CCDC141: variants seen among roughly 807,000 people sequenced by gnomAD.
CCDC141 encodes the protein coiled-coil domain containing 141.
In CCDC141, 168 loss-of-function variants were observed where a neutral mutation model predicts 181.0. The observed-to-expected ratio is 0.93, with a 90% confidence interval of 0.82 to 1.05. The LOEUF (loss-of-function observed/expected upper bound fraction) is 1.05, where lower values mean the gene tolerates loss of function less well. Ranked by LOEUF, CCDC141 falls within the 50% of genes least tolerant of loss-of-function variation. The probability of loss-of-function intolerance (pLI) is 0.00; values close to 1 mark genes in which losing one functional copy is unlikely to be tolerated. For missense variants in CCDC141, 1,902 were observed against 1,788.5 expected (o/e 1.06, Z -1.14); for synonymous variants, 666 against 642.3 (o/e 1.04, Z -0.56).
chr2:178,854,161 A>G (rs1415427781), intron 19 of CCDC141, among the ~76,000 whole-genome samples: 1 of 152,268 alleles, frequency 6.6e-6, no homozygotes, highest in Non-Finnish European at 1.5e-5. Flanking sequence ...AACAAATAGC[A>G]TTTCACCTTT....
chr2:178,933,568 C>T (rs951684456), intron 6 of CCDC141, among the ~76,000 whole-genome samples: 7 of 152,158 alleles, frequency 4.6e-5, no homozygotes, highest in Admixed American at 3.3e-4. Flanking sequence ...ACCTCCATCT[C>T]GAAAGAGATC....
chr2:178,834,471 G>A, intron 23 of CCDC141, 31 bp from the exon 24 acceptor site: 1 of 1,532,096 alleles, frequency 6.5e-7, no homozygotes, highest in Non-Finnish European at 8.7e-7. Flanking sequence ...TTAAAGTCAG[G>A]ATTGCTGTTT....
rs769350043 is a variant in CCDC141, at chr2:178,837,740, T to A, written c.3479A>T (p.Gln1160Leu). 2 of 1,589,498 alleles carry A rather than the reference T, an allele frequency of 1.3e-6. No individual in the cohort carries two copies. The highest frequency in any genetic ancestry group is 1.7e-6 in the Non-Finnish European group (2 of 1,171,380). ...GCCCAAAAGATCTGCCACCTGCACC[T>A]GCCCCTTGAAAAAAGAAAAGCCAAA... Reference protein sequence around the residue: ...TIFNEERNKGQVQVADLLGIN... With the variant: ...TIFNEERNKGLVQVADLLGIN... Residue 1160 changes from glutamine (Q) to leucine (L), a missense_variant, in exon 23 of 24, where the codon CAG becomes CTG. Physicochemically the swap from Gln to Leu is moderately radical, Grantham distance 113. Coordinates refer to ENST00000443758, the MANE Select transcript of CCDC141 (RefSeq NM_173648.4).
chr2:178,993,977 G>A (rs1321505218), intron 2 of CCDC141, among the ~76,000 whole-genome samples: 1 of 152,128 alleles, frequency 6.6e-6, no homozygotes, highest in Non-Finnish European at 1.5e-5. Flanking sequence ...CATGGACTTA[G>A]GCAGATCTGC....
Position 178,871,409 on chromosome 2 carries a change from A to G in CCDC141, c.2205+18T>C. On this transcript the variant is annotated intron_variant, in intron 14 of 23. Transcript: ENST00000443758. ...GTATTTTTTCCATTCACCCAAATCCAGCAATATATTTCTTCACCTGGAACT... is the reference window on the plus strand; with the variant it reads ...GTATTTTTTCCATTCACCCAAATCCGGCAATATATTTCTTCACCTGGAACT... The G allele has an allele frequency of 1.2e-6, 2 of 1,607,922 alleles. No individual in the cohort carries two copies. Among genetic ancestry groups the G allele is most frequent in the African/African-American group, 2.7e-5 (2 of 74,710 alleles).
chr2:179,015,379 A>ATGTATCATATC (rs1553502968), intron 2 of CCDC141, among the ~76,000 whole-genome samples: 3 of 128,014 alleles, frequency 2.3e-5, no homozygotes, highest in Non-Finnish European at 4.7e-5. Flanking sequence ...TATCATATAT[A>ATGTATCATATC]TCTCATATAT....
At chr2:179,002,482 T>A (rs2042013181) in intron 2 of CCDC141, 2 of 411,158 alleles carry the variant, frequency 4.9e-6, no homozygotes, top group Admixed American at 5.4e-5. Context: ...ATCCACAAAC[T>A]TTTCAATCTC....
intron 2 of CCDC141, among the ~76,000 whole-genome samples, chr2:179,015,066 A>T (rs2042387383): frequency 2.2e-4 from 2 of 9,216 alleles, no homozygotes; most frequent in Non-Finnish European, 2.4e-4. Flanking sequence ...AGAGAGACAG[A>T]GATATATATA....
At chr2:178,863,364 A>G (rs950890694) in intron 17 of CCDC141, among the ~76,000 whole-genome samples, 1 of 152,260 alleles carries the variant, frequency 6.6e-6, no homozygotes, top group Non-Finnish European at 1.5e-5. Flanking sequence ...AACTTTAAAC[A>G]TAAATGCTAT....
intron 5 of CCDC141, among the ~76,000 whole-genome samples, chr2:178,959,183 A>G (rs1487758142): frequency 1.3e-5 from 2 of 152,006 alleles, no homozygotes; most frequent in Non-Finnish European, 2.9e-5. Flanking sequence ...TAGGAGATAT[A>G]CCTAATGTAA....
intron 2 of CCDC141, among the ~76,000 whole-genome samples, chr2:179,016,103 T>C (rs1435331020): frequency 6.6e-6 from 1 of 150,378 alleles, no homozygotes. Context: ...GAATGGAAAA[T>C]CAAAAGTTGT....
At chr2:178,871,406 T>C (rs1360599792) in intron 14 of CCDC141, 21 bp downstream of exon 14, 2 of 1,605,842 alleles carry the variant, frequency 1.2e-6, no homozygotes, top group Non-Finnish European at 1.7e-6. Flanking sequence ...TTCACCCAAA[T>C]CCAGCAATAT....
intron 7 of CCDC141, among the ~76,000 whole-genome samples, chr2:178,906,501 G>C (rs546157186): frequency 1.1e-4 from 16 of 152,316 alleles, no homozygotes; most frequent in South Asian, 8.3e-4. Context: ...TGGCATGGGA[G>C]GTCTTGCCAC....
Position 178,872,248 on chromosome 2 carries a change from T to G in CCDC141, c.1964A>C (p.Asn655Thr). The change falls in exon 13 of 24, where the codon AAC (asparagine) becomes ACC (threonine). Residue 655 changes from asparagine to threonine, a missense_variant. Physicochemically the swap from Asn to Thr is moderately conservative, Grantham distance 65 (BLOSUM62 0). Coordinates refer to ENST00000443758, the MANE Select transcript of CCDC141 (RefSeq NM_173648.4). ...AAGTTCTTCCCGTTCTGCTTTCTGG[T>G]TTTCCATGGTGTTCTTCATGAGGTA... is the stretch of plus-strand genomic sequence containing the variant. The part of the protein sequence containing the change: ...EVYLMKNTME[N>T]QKAEREELSL... The G allele has an allele frequency of 6.2e-7, 1 of 1,614,062 alleles. No individual in the cohort carries two copies. Among genetic ancestry groups the G allele is most frequent in the Non-Finnish European group, 8.5e-7 (1 of 1,179,950 alleles).
intron 2 of CCDC141, among the ~76,000 whole-genome samples, chr2:179,042,596 C>T (rs534309707): frequency 1.3e-5 from 2 of 152,214 alleles, no homozygotes; most frequent in Admixed American, 1.3e-4. Context: ...GATCCACCCA[C>T]CTTGGCCTGC....
Position 179,050,000 on chromosome 2 carries a change from G to C in CCDC141, c.-59C>G. The C allele has an allele frequency of 6.5e-7, 1 of 1,547,360 alleles. No individual in the cohort carries two copies. The highest frequency in any genetic ancestry group is 1.2e-5 in the South Asian group (1 of 83,732). ...GCCTCTGGACAGTTGTGTGTCTGCT[G>C]GTCATTTCAGAAGGCCAGGGTTACT... On this transcript the variant is annotated 5_prime_UTR_variant, in exon 1 of 24. Transcript: ENST00000443758.
chr2:178,818,198 A>G, the CCDC141 span, among the ~76,000 whole-genome samples: 1 of 152,160 alleles, frequency 6.6e-6, no homozygotes, highest in Non-Finnish European at 1.5e-5. Context: ...CCTAATGTCT[A>G]GCAATGATCA....
rs749623018 is a variant in CCDC141 at position 178,947,387 on chromosome 2, A to G, written c.781-2736T>C. Reference sequence around the variant, plus strand: ...TGAGGAGATGTACAAAGGAAGGAAAACAAAAAGTATTCGAAGTATGCACTG... The same window carrying G: ...TGAGGAGATGTACAAAGGAAGGAAAGCAAAAAGTATTCGAAGTATGCACTG... On this transcript the variant is annotated intron_variant, in intron 5 of 23. Coordinates refer to ENST00000443758, the MANE Select transcript of CCDC141 (RefSeq NM_173648.4). Among the ~76,000 whole-genome samples, 6 of 152,354 alleles carry G rather than the reference A, an allele frequency of 3.9e-5. No individual in the cohort carries two copies. The South Asian group carries it at 8.3e-4, about 21-fold the overall frequency.
chr2:178,816,805 C>T, the CCDC141 span, among the ~76,000 whole-genome samples: 1 of 152,068 alleles, frequency 6.6e-6, no homozygotes, highest in Non-Finnish European at 1.5e-5. Flanking sequence ...AGGGAGTATT[C>T]TACAATAAGA....
Sources: gnomAD v4.1 joint callset for allele counts (sites outside exome capture counted in the v4.1 genomes callset) on GRCh38, gnomAD v4.1.1 for gene constraint, MANE v1.5 for transcripts, NCBI Gene and HGNC (gene_info 2026-07-23, HGNC 2026-07-21) for gene names.